The following RFX3 variants were observed in gnomAD, a reference collection of about 807,000 sequenced individuals.
RFX3 encodes regulatory factor X3.
RFX3 carries 14 observed loss-of-function variants against 98.6 expected under a neutral mutation model. The observed-to-expected ratio is 0.14, with a 90% confidence interval of 0.09 to 0.22. RFX3 has a LOEUF of 0.22. Ranked by LOEUF, RFX3 falls within the 10% of genes least tolerant of loss-of-function variation. RFX3 has a pLI of 1.00. For missense variants in RFX3, 639 were observed against 926.9 expected (o/e 0.69, Z 4.03); for synonymous variants, 383 against 328.4 (o/e 1.17, Z -1.80).
At chr9:3,496,394 T>TA (rs1192283584) in intron 1 of RFX3, among the ~76,000 whole-genome samples, 5 of 152,140 alleles carry the variant, frequency 3.3e-5, no homozygotes, top group Middle Eastern at 6.8e-3. Context: ...CACTTACCAA[T>TA]ACTGAAAATG....
chr9:3,230,235 A>G (rs1005294344), intron 15 of RFX3, among the ~76,000 whole-genome samples: 1 of 152,316 alleles, frequency 6.6e-6, no homozygotes. Flanking sequence ...TAAGCCATAG[A>G]AGCATTACTG....
intron 1 of RFX3, among the ~76,000 whole-genome samples, chr9:3,445,080 T>C (rs1845925784): frequency 6.6e-6 from 1 of 152,178 alleles, no homozygotes; most frequent in South Asian, 2.1e-4. Flanking sequence ...ACCCAACATT[T>C]TGAATGGTTT....
chr9:3,270,405 C>T lies in RFX3; in HGVS notation c.1323G>A (p.Glu441=). 6.2e-7 allele frequency: 1 copy of T among 1,613,750 alleles called. No homozygotes were observed. Among genetic ancestry groups the T allele is most frequent in the Non-Finnish European group, 8.5e-7 (1 of 1,179,788 alleles). The change falls in exon 11 of 17, where the codon GAG becomes GAA. Residue 441 remains glutamate, a synonymous_variant. Transcript: ENST00000617270. ...CDHGMYQALV[E]ILIPDVLRPI... is the part of the protein sequence containing the mutation. ...GTCTAAGGACGTCGGGGATGAGAAT[C>T]TCCACCAAAGCCTGGTACATCCCAT...
At chr9:3,473,255 T>C (rs934583089) in intron 1 of RFX3, among the ~76,000 whole-genome samples, 3 of 152,236 alleles carry the variant, frequency 2.0e-5, no homozygotes, top group Non-Finnish European at 4.4e-5. Context: ...ATCTGTTTTC[T>C]ACTTCAAGTA....
intron 9 of RFX3, among the ~76,000 whole-genome samples, chr9:3,272,569 T>C (rs970973435): frequency 1.3e-5 from 2 of 152,182 alleles, no homozygotes; most frequent in African/African-American, 2.4e-5. Flanking sequence ...ATAAAGGGCA[T>C]GTAGATGTCC....
chr9:3,468,231 G>C (rs539228641), intron 1 of RFX3, among the ~76,000 whole-genome samples: 1 of 152,240 alleles, frequency 6.6e-6, no homozygotes, highest in African/African-American at 2.4e-5. Context: ...ACTGAGTACA[G>C]AGACACAATT....
In RFX3 at chr9:3,408,612, TCACACA is replaced by T. The variant is rs373554738; in HGVS notation, c.-8-13022_-8-13017del. 5.6e-3 allele frequency among the ~76,000 whole-genome samples: 835 copies of T among 147,790 alleles called. 13 individuals are homozygous for T. The highest frequency in any genetic ancestry group is 0.019 in the African/African-American group (783 of 40,666). ...GTCTCTGTCTCTCTCTCTCTCTCTC[TCACACA>T]CACACACACACACACACGCACGCAC... is the stretch of plus-strand genomic sequence containing the variant. On this transcript the variant is annotated intron_variant, in intron 1 of 16. Transcript: ENST00000617270.
intron 1 of RFX3, among the ~76,000 whole-genome samples, chr9:3,503,361 A>G (rs1325777088): frequency 6.6e-6 from 1 of 152,082 alleles, no homozygotes; most frequent in Admixed American, 6.6e-5. Context: ...AAAAATGTCT[A>G]TTTCCTTAAA....
At chr9:3,315,133 T>C (rs1383260484) in intron 4 of RFX3, among the ~76,000 whole-genome samples, 1 of 152,080 alleles carries the variant, frequency 6.6e-6, no homozygotes, top group East Asian at 1.9e-4. Flanking sequence ...AGTAAAGCAC[T>C]CCTCAGCAAA....
intron 2 of RFX3, among the ~76,000 whole-genome samples, chr9:3,348,866 G>C (rs1292142579): frequency 6.6e-6 from 1 of 151,856 alleles, no homozygotes; most frequent in African/African-American, 2.4e-5. Context: ...TCTTAACTCT[G>C]CTACTTTCTG....
intron 7 of RFX3, among the ~76,000 whole-genome samples, chr9:3,284,836 C>T (rs1385716841): frequency 6.6e-6 from 1 of 151,642 alleles, no homozygotes; most frequent in African/African-American, 2.4e-5. Flanking sequence ...ACTGAAACTG[C>T]AGGCTCTATG....
intron 1 of RFX3, among the ~76,000 whole-genome samples, chr9:3,523,556 T>G (rs1357852471): frequency 6.6e-6 from 1 of 152,116 alleles, no homozygotes; most frequent in African/African-American, 2.4e-5. Context: ...ATGAGTGAAA[T>G]GCCTCAAAAA....
Position 3,442,780 on chromosome 9 carries a change from T to A in RFX3, c.-8-47184A>T, listed in dbSNP as rs763866046. Reference sequence around the variant, plus strand: ...GGATTATAGACCTAAGTGTAAAACATAAAGCTTCTGGAAGAAGACATAAAC... The same window carrying A: ...GGATTATAGACCTAAGTGTAAAACAAAAAGCTTCTGGAAGAAGACATAAAC... On this transcript the variant is annotated intron_variant, in intron 1 of 16. Transcript: ENST00000617270. Among the ~76,000 whole-genome samples the A allele has an allele frequency of 3.9e-5, 6 of 152,286 alleles. 1 individual carries two copies. The highest frequency in any genetic ancestry group is 1.4e-4 in the African/African-American group (6 of 41,568).
intron 2 of RFX3, among the ~76,000 whole-genome samples, chr9:3,350,813 C>G (rs564428264): frequency 6.6e-6 from 1 of 151,994 alleles, no homozygotes; most frequent in South Asian, 2.1e-4. Context: ...AACTTGAATG[C>G]GTATGACCAA....
chr9:3,280,268 G>A (rs919914658), intron 7 of RFX3, among the ~76,000 whole-genome samples: 1 of 151,838 alleles, frequency 6.6e-6, no homozygotes, highest in Non-Finnish European at 1.5e-5. Context: ...ATGACATCAA[G>A]ATGGTAATAT....
intron 2 of RFX3, among the ~76,000 whole-genome samples, chr9:3,373,789 C>T (rs553374407): frequency 1.3e-5 from 2 of 149,946 alleles, no homozygotes; most frequent in African/African-American, 4.8e-5. Flanking sequence ...TTTAAAAATA[C>T]AAGTACCAGC....
chr9:3,282,839 A>C (rs1430031492), intron 7 of RFX3, among the ~76,000 whole-genome samples: 1 of 151,796 alleles, frequency 6.6e-6, no homozygotes, highest in African/African-American at 2.4e-5. Context: ...AGGAAGAAAT[A>C]AATTAGTGAG....
intron 4 of RFX3, among the ~76,000 whole-genome samples, chr9:3,318,248 C>T (rs1318496073): frequency 6.6e-6 from 1 of 152,154 alleles, no homozygotes; most frequent in African/African-American, 2.4e-5. Context: ...TAGAAACCAT[C>T]ATTCTGAGCA....
chr9:3,428,909 G>C (rs563283741), intron 1 of RFX3, among the ~76,000 whole-genome samples: 30 of 152,042 alleles, frequency 2.0e-4, no homozygotes, highest in African/African-American at 6.8e-4. Flanking sequence ...GAGATAGACA[G>C]GGCTAAATTA....
Sources: allele counts gnomAD v4.1 joint callset (sites outside exome capture counted in the v4.1 genomes callset), GRCh38; gene constraint gnomAD v4.1.1; transcripts MANE v1.5; gene names NCBI Gene and HGNC (gene_info 2026-07-23, HGNC 2026-07-21).